Variants in HORMAD2 observed in about 807,000 individuals in gnomAD.
HORMAD2 encodes the protein HORMA domain containing 2, also known as HORMA domain-containing protein 2.
Under a neutral mutation model 38.8 loss-of-function variants are expected in HORMAD2, and 45 were observed. That is an observed-to-expected ratio of 1.16 (90% CI 0.91 to 1.49). The LOEUF (loss-of-function observed/expected upper bound fraction) is 1.49, where lower values mean the gene tolerates loss of function less well. Ranked by LOEUF, HORMAD2 falls within the 40% of genes most tolerant of loss-of-function variation. The probability of loss-of-function intolerance (pLI) is 0.00; values close to 1 mark genes in which losing one functional copy is unlikely to be tolerated. For missense variants in HORMAD2, 338 were observed against 367.0 expected (o/e 0.92, Z 0.65); for synonymous variants, 126 against 122.8 (o/e 1.03, Z -0.17).
intron 10 of HORMAD2, among the ~76,000 whole-genome samples, chr22:30,167,333 C>T (rs915778661): frequency 2.0e-5 from 3 of 152,164 alleles, no homozygotes; most frequent in African/African-American, 7.2e-5. Context: ...TATATTTTTG[C>T]CATGTAAGGT....
intron 10 of HORMAD2, among the ~76,000 whole-genome samples, chr22:30,174,562 G>A (rs115890166): frequency 0.013 from 1,971 of 152,206 alleles, 47 homozygotes; most frequent in African/African-American, 0.046. Context: ...TCTGCAACTT[G>A]TAATTAAACT....
intron 10 of HORMAD2, among the ~76,000 whole-genome samples, chr22:30,122,475 A>G (rs1227585562): frequency 6.6e-6 from 1 of 152,142 alleles, no homozygotes; most frequent in African/African-American, 2.4e-5. Flanking sequence ...AAATTTAGAA[A>G]ATTTGAGGTT....
chr22:30,195,805 A>G, the HORMAD2 span, among the ~76,000 whole-genome samples: 1 of 152,318 alleles, frequency 6.6e-6, no homozygotes, highest in East Asian at 1.9e-4. Flanking sequence ...TATCATCATC[A>G]GCTCCACTGT....
At chr22:30,197,975 A>C in the HORMAD2 span, among the ~76,000 whole-genome samples, 5 of 152,032 alleles carry the variant, frequency 3.3e-5, no homozygotes, top group African/African-American at 1.2e-4. Context: ...TCAGGAGTTC[A>C]AGACCAGCCT....
intron 10 of HORMAD2, among the ~76,000 whole-genome samples, chr22:30,140,880 C>T (rs1924023628): frequency 6.6e-6 from 1 of 152,134 alleles, no homozygotes; most frequent in African/African-American, 2.4e-5. Context: ...TTTGAGATCT[C>T]CTTTCTTAAT....
intron 1 of HORMAD2, among the ~76,000 whole-genome samples, chr22:30,081,716 C>T (rs925648141): frequency 3.3e-5 from 5 of 152,104 alleles, no homozygotes; most frequent in African/African-American, 1.2e-4. Context: ...GCTGGGACTA[C>T]AGGTGTGCAC....
At chr22:30,094,037 C>T (rs754161469) in intron 2 of HORMAD2, 34 bp downstream of exon 2, 4 of 1,420,788 alleles carry the variant, frequency 2.8e-6, no homozygotes, top group Non-Finnish European at 3.9e-6. Context: ...AATCAATGAC[C>T]ATTTAGTGAG....
rs1009173465 is a variant in HORMAD2 at position 30,099,049 on chromosome 22, A to G, written c.193+56A>G. 1.5e-4 allele frequency: 221 copies of G among 1,481,728 alleles called. No individual in the cohort carries two copies. The African/African-American group carries it at 2.7e-3, about 18-fold the overall frequency. 91.8% of individuals were successfully genotyped at this position (1,481,728 alleles called of 1,614,324 possible). ...GTTGTAGCCCCTTTCTCTATTTAGC[A>G]GGAATAAACCTTTCACGTCTCACAA... On this transcript the variant is annotated intron_variant, in intron 3 of 10. Coordinates refer to ENST00000336726, the MANE Select transcript of HORMAD2 (RefSeq NM_152510.4).
At chr22:30,190,553 G>A in the HORMAD2 span, among the ~76,000 whole-genome samples, 1 of 152,234 alleles carries the variant, frequency 6.6e-6, no homozygotes, top group African/African-American at 2.4e-5. Flanking sequence ...GGTGACAGGG[G>A]CAGCATGCTC....
chr22:30,104,454 A>T lies in HORMAD2; in HGVS notation c.294+17A>T. On this transcript the variant is annotated intron_variant, in intron 5 of 10. Transcript: ENST00000336726. Reference sequence around the variant, plus strand: ...AAGAGATACGTAAGAATGTTTTTACACTTACACTGGAATCAAAGGCTTGTC... The same window carrying T: ...AAGAGATACGTAAGAATGTTTTTACTCTTACACTGGAATCAAAGGCTTGTC... The T allele has an allele frequency of 6.3e-7, 1 of 1,583,372 alleles. No homozygotes were observed. Among genetic ancestry groups the T allele is most frequent in the Non-Finnish European group, 8.6e-7 (1 of 1,157,018 alleles).
intron 10 of HORMAD2, among the ~76,000 whole-genome samples, chr22:30,172,473 A>G (rs1926169279): frequency 1.3e-5 from 2 of 152,262 alleles, no homozygotes; most frequent in Middle Eastern, 3.4e-3. Context: ...ATTACTAGAG[A>G]TATGTTTTTA....
intron 1 of HORMAD2, among the ~76,000 whole-genome samples, chr22:30,088,224 T>C (rs533123308): frequency 6.7e-5 from 10 of 150,300 alleles, no homozygotes; most frequent in African/African-American, 2.4e-4. Flanking sequence ...TACACATATA[T>C]ACATATATAC....
chr22:30,094,860 T>C (rs992714549), intron 2 of HORMAD2, among the ~76,000 whole-genome samples: 3 of 152,206 alleles, frequency 2.0e-5, no homozygotes, highest in Non-Finnish European at 2.9e-5. Flanking sequence ...CTGACTGGTT[T>C]TGGACTGCCT....
At chr22:30,150,192 T>TA (rs1924661703) in intron 10 of HORMAD2, among the ~76,000 whole-genome samples, 2 of 152,194 alleles carry the variant, frequency 1.3e-5, no homozygotes, top group African/African-American at 4.8e-5. Flanking sequence ...CCTGTTCAGG[T>TA]ATTCGATTTT....
At chr22:30,145,167 G>A (rs1924335553) in intron 10 of HORMAD2, among the ~76,000 whole-genome samples, 1 of 152,164 alleles carries the variant, frequency 6.6e-6, no homozygotes, top group Admixed American at 6.6e-5. Context: ...AGTTTTGCTG[G>A]AGAGCTGGTC....
At chr22:30,183,545 T>A in the HORMAD2 span, among the ~76,000 whole-genome samples, 9 of 152,206 alleles carry the variant, frequency 5.9e-5, no homozygotes, top group African/African-American at 2.2e-4. Context: ...ATTCATTTAA[T>A]CCTCTTCACC....
downstream of HORMAD2, among the ~76,000 whole-genome samples, chr22:30,177,494 A>G (rs558230722): frequency 3.3e-5 from 5 of 152,284 alleles, no homozygotes; most frequent in African/African-American, 1.2e-4. Context: ...TAGCATATTA[A>G]GTGGACTCAT....
chr22:30,117,660 C>A (rs1016514211), intron 7 of HORMAD2, among the ~76,000 whole-genome samples: 34 of 152,186 alleles, frequency 2.2e-4, no homozygotes, highest in African/African-American at 7.7e-4. Flanking sequence ...AGGCGCACAC[C>A]ACCACGCCCG....
intron 10 of HORMAD2, among the ~76,000 whole-genome samples, chr22:30,124,350 A>G (rs1922688811): frequency 6.6e-6 from 1 of 152,070 alleles, no homozygotes; most frequent in Non-Finnish European, 1.5e-5. Context: ...TTTTATTTTG[A>G]GATATACATA....
Sources: gnomAD v4.1 joint callset for allele counts (sites outside exome capture counted in the v4.1 genomes callset) on GRCh38, gnomAD v4.1.1 for gene constraint, MANE v1.5 for transcripts, NCBI Gene and HGNC (gene_info 2026-07-23, HGNC 2026-07-21) for gene names.